The following NELL2 variants were observed in gnomAD, a reference collection of about 807,000 sequenced individuals.
NELL2 encodes protein kinase C-binding protein NELL2.
In NELL2, 41 loss-of-function variants were observed where a neutral mutation model predicts 109.6. That is an observed-to-expected ratio of 0.37 (90% CI 0.29 to 0.49). The LOEUF (loss-of-function observed/expected upper bound fraction) is 0.49. NELL2 is among the 20% of genes least tolerant of loss of function. The probability of loss-of-function intolerance (pLI) is 0.98; values close to 1 mark genes in which losing one functional copy is unlikely to be tolerated. For synonymous variants in NELL2, 355 were observed against 344.7 expected, an observed-to-expected ratio of 1.03 and a Z score of -0.33; for missense variants, 900 against 1,008.3, an observed-to-expected ratio of 0.89 and a Z score of 1.45.
intron 11 of NELL2, among the ~76,000 whole-genome samples, chr12:44,708,120 C>G (rs1190411095): frequency 3.9e-5 from 6 of 152,180 alleles, no homozygotes; most frequent in Non-Finnish European, 1.5e-5. Flanking sequence ...ATTTCTTTAT[C>G]TTTCTAAATC....
intron 16 of NELL2, among the ~76,000 whole-genome samples, chr12:44,525,935 G>A (rs1010784165): frequency 2.8e-4 from 43 of 152,030 alleles, no homozygotes; most frequent in African/African-American, 1.0e-3. Flanking sequence ...GGTCTAGAGT[G>A]TTTTTGAGGC....
At chr12:44,887,718 T>C (rs1410646228) in intron 1 of NELL2, among the ~76,000 whole-genome samples, 1 of 151,860 alleles carries the variant, frequency 6.6e-6, no homozygotes. Flanking sequence ...GAGCTCCTTA[T>C]ATTCTGGTTA....
rs185275833 is a variant in NELL2, at chr12:44,664,248, T to C, written c.1444+1236A>G. Among the ~76,000 whole-genome samples, 50 of 152,224 alleles carry C rather than the reference T, an allele frequency of 3.3e-4. 1 individual carries two copies. In the East Asian group the frequency reaches 9.3e-3, roughly 28 times the overall value. ...TTGTCTAAAAAAATGAAGAATTGTT[T>C]CCATAATTAGGAAATGTTTAGGATG... On this transcript the variant is annotated intron_variant, in intron 13 of 19. Transcript: ENST00000429094.
At chr12:44,700,871 T>A (rs1353937377) in intron 12 of NELL2, among the ~76,000 whole-genome samples, 4 of 152,248 alleles carry the variant, frequency 2.6e-5, no homozygotes, top group South Asian at 4.1e-4. Flanking sequence ...TAAATATTTA[T>A]CAAATGAGTG....
intron 3 of NELL2, among the ~76,000 whole-genome samples, chr12:44,796,663 A>C (rs1211298720): frequency 6.6e-6 from 1 of 152,108 alleles, no homozygotes; most frequent in Non-Finnish European, 1.5e-5. Context: ...CACTACTACA[A>C]AAGTTTTGTT....
At chr12:44,815,893 T>A (rs892933308) in intron 3 of NELL2, 93 bp downstream of exon 3, 2 of 1,402,360 alleles carry the variant, frequency 1.4e-6, no homozygotes, top group African/African-American at 1.5e-5. Flanking sequence ...TAAAGAGATA[T>A]ACAAGAGAAG....
At chr12:44,873,027 G>A (rs1453964906) in intron 2 of NELL2, among the ~76,000 whole-genome samples, 1 of 152,038 alleles carries the variant, frequency 6.6e-6, no homozygotes, top group African/African-American at 2.4e-5. Context: ...ATGGCCAAAG[G>A]GCCACCTTTT....
chr12:44,622,736 C>A (rs564530706), intron 13 of NELL2, among the ~76,000 whole-genome samples: 1 of 151,972 alleles, frequency 6.6e-6, no homozygotes, highest in Non-Finnish European at 1.5e-5. Flanking sequence ...ATGATTCCTC[C>A]GATTTTAAAG....
chr12:44,797,893 C>G (rs34853796), intron 3 of NELL2, among the ~76,000 whole-genome samples: 19 of 55,168 alleles, frequency 3.4e-4, no homozygotes, highest in South Asian at 2.5e-3. Flanking sequence ...TGGAATAAAA[C>G]CATTCCATCC....
chr12:44,895,637 C>T lies in NELL2; in HGVS notation c.38+18162G>A, dbSNP rs114402136. On this transcript the variant is annotated intron_variant, in intron 1 of 20. Coordinates refer to the NELL2 transcript ENST00000333837. ...CCATGTTTCCATTATAAAAAATTAC[C>T]CCAGGGAGATTCTAATTTGTATCCA... 7.7e-3 allele frequency among the ~76,000 whole-genome samples: 1,167 copies of T among 152,102 alleles called. 15 individuals carry two copies. The highest frequency in any genetic ancestry group is 0.026 in the African/African-American group (1,090 of 41,516).
chr12:44,863,236 T>C (rs1267857988), intron 2 of NELL2, among the ~76,000 whole-genome samples: 2 of 152,118 alleles, frequency 1.3e-5, no homozygotes, highest in Non-Finnish European at 2.9e-5. Context: ...AGAATGATGG[T>C]TTCCAGCTTC....
At chr12:44,820,991 C>A (rs1377151618) in intron 2 of NELL2, among the ~76,000 whole-genome samples, 1 of 151,546 alleles carries the variant, frequency 6.6e-6, no homozygotes, top group Non-Finnish European at 1.5e-5. Context: ...AGGGATGGAC[C>A]ACAGAAACAC....
chr12:44,699,444 C>T (rs7295485), intron 12 of NELL2, among the ~76,000 whole-genome samples: 9,423 of 152,100 alleles, frequency 0.062, 968 homozygotes, highest in African/African-American at 0.21. Context: ...AAGTTATCAT[C>T]TGCCTGGCTG....
intron 13 of NELL2, among the ~76,000 whole-genome samples, chr12:44,652,407 T>C (rs1269140512): frequency 1.3e-5 from 2 of 152,168 alleles, no homozygotes; most frequent in Non-Finnish European, 2.9e-5. Flanking sequence ...AAACAGACAA[T>C]GAAAATGTTC....
intron 1 of NELL2, among the ~76,000 whole-genome samples, chr12:44,895,709 C>T (rs925008): frequency 0.29 from 43,476 of 151,884 alleles, 6,595 homozygotes; most frequent in East Asian, 0.44. Context: ...ATTTATATTA[C>T]GAAATCATAT....
chr12:44,850,226 A>G (rs1290989456), intron 2 of NELL2, among the ~76,000 whole-genome samples: 1 of 152,188 alleles, frequency 6.6e-6, no homozygotes, highest in Non-Finnish European at 1.5e-5. Context: ...CTAATTTAGT[A>G]GTCCTAAAAA....
intron 19 of NELL2, among the ~76,000 whole-genome samples, chr12:44,518,435 C>T (rs1306483684): frequency 3.9e-5 from 6 of 152,044 alleles, no homozygotes; most frequent in African/African-American, 4.8e-5. Context: ...TTAGTAGAGA[C>T]GGGGTTTCAC....
chr12:44,892,205 A>C (rs1217163449), intron 1 of NELL2, among the ~76,000 whole-genome samples: 1 of 152,222 alleles, frequency 6.6e-6, no homozygotes, highest in Non-Finnish European at 1.5e-5. Context: ...TGAAGGTGCA[A>C]GAGTGAACAG....
intron 9 of NELL2, among the ~76,000 whole-genome samples, chr12:44,755,132 C>T (rs1018543638): frequency 6.6e-6 from 1 of 152,178 alleles, no homozygotes; most frequent in African/African-American, 2.4e-5. Flanking sequence ...TAGCTTCAAC[C>T]TTATGGCCTT....
Sources: allele counts gnomAD v4.1 joint callset (sites outside exome capture counted in the v4.1 genomes callset), GRCh38; gene constraint gnomAD v4.1.1; transcripts MANE v1.5; gene names NCBI Gene and HGNC (gene_info 2026-07-23, HGNC 2026-07-21).